GLS: variants seen among roughly 807,000 people sequenced by gnomAD.
GLS encodes the protein glutaminase, also known as glutaminase kidney isoform, mitochondrial.
In GLS, 36 loss-of-function variants were observed where a neutral mutation model predicts 86.7. That is an observed-to-expected ratio of 0.42 (90% confidence interval 0.32 to 0.55). The LOEUF (loss-of-function observed/expected upper bound fraction) is 0.55. Ranked by LOEUF, GLS falls within the 20% of genes least tolerant of loss-of-function variation. The probability of loss-of-function intolerance (pLI) is 0.17; values close to 1 mark genes in which losing one functional copy is unlikely to be tolerated. For missense variants in GLS, 528 were observed against 833.4 expected (o/e 0.63, Z 4.51); for synonymous variants, 317 against 305.9 (o/e 1.04, Z -0.38).
chr2:190,881,533 G>T, intron 1 of GLS, 63 bp downstream of exon 1: 1 of 1,427,562 alleles, frequency 7.0e-7, no homozygotes, highest in African/African-American at 1.5e-5. Flanking sequence ...CAGGCTGTGT[G>T]GGGCCCTGCG....
chr2:190,923,000 G>A (rs931760733), intron 9 of GLS, among the ~76,000 whole-genome samples: 5 of 152,036 alleles, frequency 3.3e-5, no homozygotes, highest in African/African-American at 1.2e-4. Flanking sequence ...TCTTTACTCT[G>A]CCTCTCCTTT....
intron 4 of GLS, 61 bp from the exon 5 acceptor site, chr2:190,901,886 G>A (rs1688953894): frequency 5.7e-6 from 6 of 1,052,810 alleles, no homozygotes; most frequent in Non-Finnish European, 9.0e-6. Flanking sequence ...TTTGTTGGTG[G>A]AAGAAAATAC....
intron 11 of GLS, among the ~76,000 whole-genome samples, chr2:190,926,141 G>A (rs866901797): frequency 2.6e-5 from 4 of 152,164 alleles, no homozygotes; most frequent in Non-Finnish European, 1.5e-5. Flanking sequence ...ATTAGCAGGA[G>A]AGTACCCGAG....
At chr2:190,888,680 T>G (rs1231411711) in intron 1 of GLS, among the ~76,000 whole-genome samples, 4 of 152,220 alleles carry the variant, frequency 2.6e-5, no homozygotes, top group Admixed American at 6.5e-5. Flanking sequence ...TGCTGTAGTT[T>G]GCGTAGCCCT....
Position 190,930,409 on chromosome 2 carries a change from G to A in GLS, c.1426-28G>A. 6.5e-7 allele frequency: 1 copy of A among 1,548,942 alleles called. No homozygotes were observed. The highest frequency in any genetic ancestry group is 2.2e-5 in the East Asian group (1 of 44,522). The stretch of plus-strand genomic sequence containing the variant: ...ATTTCTTATTTTAAAATGTTTACCT[G>A]AATACTCTTTTACTGAATTATTTTT... On this transcript the variant is annotated intron_variant, in intron 12 of 17. Transcript: ENST00000320717. The surrounding 1 kb of genome is among the most constrained non-coding windows in gnomAD (Gnocchi z 5.0).
intron 4 of GLS, 61 bp downstream of exon 4, chr2:190,900,754 G>A (rs1382251013): frequency 7.8e-7 from 1 of 1,280,798 alleles, no homozygotes. Context: ...AGCTTAATTT[G>A]AGGTCTAGAG....
intron 17 of GLS, among the ~76,000 whole-genome samples, chr2:190,960,225 GA>G (rs531984677): frequency 6.6e-6 from 1 of 151,916 alleles, no homozygotes; most frequent in Admixed American, 6.6e-5. Context: ...TTTAGAATGG[GA>G]AAAAAACGCA....
chr2:190,893,764 T>C (rs757812102), intron 1 of GLS, among the ~76,000 whole-genome samples: 3 of 152,050 alleles, frequency 2.0e-5, no homozygotes, highest in Non-Finnish European at 4.4e-5. Context: ...TTTCTATTTT[T>C]AGTAGAGATG....
At chr2:190,932,562 G>T in intron 14 of GLS, 1 of 419,216 alleles carries the variant, frequency 2.4e-6, no homozygotes, top group South Asian at 8.0e-5. Context: ...AACTTCCATG[G>T]GAGTCGACCT....
At chr2:190,912,491 A>G (rs891631455) in intron 7 of GLS, among the ~76,000 whole-genome samples, 1 of 152,048 alleles carries the variant, frequency 6.6e-6, no homozygotes, top group Non-Finnish European at 1.5e-5. Flanking sequence ...ATAAATATCT[A>G]TAATGTGATC....
Position 190,965,499 on chromosome 2 carries a change from A to G in GLS, c.*2513A>G, listed in dbSNP as rs962840379. On this transcript the variant is annotated 3_prime_UTR_variant, in exon 18 of 18. Coordinates refer to ENST00000320717, the MANE Select transcript of GLS (RefSeq NM_014905.5). This position sits in a 1 kb window ranked among gnomAD's most constrained non-coding sequence, Gnocchi z 5.0. ...ATTGGGAAACATTTATTTTAAATGC[A>G]ATCAGGTAGTGTTGCTTTTTACAGC... 1 of 152,678 alleles carries G rather than the reference A, an allele frequency of 6.5e-6. No homozygotes were observed. The highest frequency in any genetic ancestry group is 1.5e-5 in the Non-Finnish European group (1 of 68,042). The allele number at this position is 152,678 out of a possible 1,614,324, so 9.5% of individuals were successfully genotyped here.
rs1447768577 is a variant in GLS, at chr2:190,955,136, A to ATT, written c.1853+322_1853+323dup. 7.4e-3 allele frequency among the ~76,000 whole-genome samples: 1,123 copies of ATT among 152,014 alleles called. 19 individuals are homozygous for ATT. The highest frequency in any genetic ancestry group is 0.023 in the African/African-American group (967 of 41,490). The stretch of plus-strand genomic sequence containing the variant: ...TATCCTCATGGATTTTAAAAAAAAA[A>ATT]TTTTTAAATTACACTTTAAGTTCTG... On this transcript the variant is annotated intron_variant, in intron 17 of 17. Coordinates refer to ENST00000320717, the MANE Select transcript of GLS (RefSeq NM_014905.5). This position sits in a 1 kb window ranked among gnomAD's most constrained non-coding sequence, Gnocchi z 5.6.
At chr2:190,907,892 A>G (rs1026535279) in intron 6 of GLS, among the ~76,000 whole-genome samples, 2 of 152,240 alleles carry the variant, frequency 1.3e-5, no homozygotes, top group Admixed American at 1.3e-4. Context: ...TGTTAGTTGT[A>G]TTATCTTACA....
At chr2:190,903,483 G>A (rs961228285) in intron 5 of GLS, among the ~76,000 whole-genome samples, 1 of 152,148 alleles carries the variant, frequency 6.6e-6, no homozygotes, top group Non-Finnish European at 1.5e-5. Flanking sequence ...AAAAGGCATG[G>A]TGACTTTATC....
At chr2:190,933,087 AT>A in intron 14 of GLS, 1 of 977,128 alleles carries the variant, frequency 1.0e-6, no homozygotes, top group African/African-American at 1.7e-5. Context: ...AATTTGCTTT[AT>A]TTTTAAAAAT....
Position 190,930,622 on chromosome 2 carries a change from G to T in GLS, c.1557+54G>T. 1 of 1,535,854 alleles carries T rather than the reference G, an allele frequency of 6.5e-7. No homozygotes were observed. The highest frequency in any genetic ancestry group is 1.2e-5 in the South Asian group (1 of 82,372). On this transcript the variant is annotated intron_variant, in intron 13 of 17. Transcript: ENST00000320717. The surrounding 1 kb of genome is among the most constrained non-coding windows in gnomAD (Gnocchi z 5.0). Reference sequence around the variant, plus strand: ...GGTGTTACAAGTTGAGCCATCCAATGATTCTTTTTTTTAACCCATTTTCCA... The same window carrying T: ...GGTGTTACAAGTTGAGCCATCCAATTATTCTTTTTTTTAACCCATTTTCCA...
chr2:190,934,831 A>AT, intron 14 of GLS: 1 of 972,608 alleles, frequency 1.0e-6, no homozygotes, highest in African/African-American at 1.8e-5. Flanking sequence ...AATGTTAAGA[A>AT]TGAGCAGAAA....
chr2:190,881,143 G>T lies in GLS; in HGVS notation c.59G>T (p.Gly20Val), dbSNP rs897726843. 1.3e-6 allele frequency: 2 copies of T among 1,558,308 alleles called. No homozygotes were observed. The highest frequency in any genetic ancestry group is 1.8e-5 in the Admixed American group (1 of 54,598). Residue 20 changes from glycine to valine, a missense_variant, in exon 1 of 18, where the codon GGC becomes GTC. Physicochemically the swap from Gly to Val is moderately radical, Grantham distance 109. This residue lies in a region of GLS where 224 missense variants were observed against 187.9 expected (regional missense o/e 1.19). Coordinates refer to ENST00000320717, the MANE Select transcript of GLS (RefSeq NM_014905.5). ...LRDLLLRSPAGVSATLRRAQP... is the reference protein window; with the variant it reads ...LRDLLLRSPAVVSATLRRAQP... Reference sequence around the variant, plus strand: ...GACCTGCTCCTGCGGTCGCCCGCCGGCGTGAGCGCGACTCTGCGGCGGGCA... The same window carrying T: ...GACCTGCTCCTGCGGTCGCCCGCCGTCGTGAGCGCGACTCTGCGGCGGGCA...
In GLS at chr2:190,923,937, G is replaced by T. The variant is rs747433655; in HGVS notation, c.1151G>T (p.Ser384Ile). ...SNATFQSERESGDRNFAIGYY... is the reference protein window; with the variant it reads ...SNATFQSEREIGDRNFAIGYY... ...TCCAGGTTTCAGTCTGAAAGAGAAA[G>T]TGGAGATCGAAATTTTGCAATAGGA... is the stretch of plus-strand genomic sequence containing the variant. The change falls in exon 10 of 18, where the codon AGT (serine) becomes ATT (isoleucine). Residue 384 changes from serine (S) to isoleucine (I), a missense_variant. Coordinates refer to ENST00000320717, the MANE Select transcript of GLS (RefSeq NM_014905.5). 1.3e-6 allele frequency: 2 copies of T among 1,571,994 alleles called. No homozygotes were observed. The highest frequency in any genetic ancestry group is 3.5e-5 in the Admixed American group (2 of 57,504).
Sources: gnomAD v4.1 joint callset for allele counts (sites outside exome capture counted in the v4.1 genomes callset) on GRCh38, gnomAD v4.1.1 for gene constraint, gnomAD v4.1.1 regional missense constraint, Gnocchi (gnomAD v3.1) non-coding constraint, MANE v1.5 for transcripts, NCBI Gene and HGNC (gene_info 2026-07-23, HGNC 2026-07-21) for gene names.